Variants in TRABD2B observed in about 807,000 individuals in gnomAD.
TRABD2B encodes the protein metalloprotease TIKI2.
Under a neutral mutation model 40.1 loss-of-function variants are expected in TRABD2B, and 14 were observed. The observed-to-expected ratio is 0.35, with a 90% CI of 0.23 to 0.55. The LOEUF is 0.55. Among genes scored for constraint, TRABD2B ranks in the 20% least tolerant of loss-of-function variants. The pLI is 0.90. For synonymous variants in TRABD2B, 263 were observed against 277.0 expected, an observed-to-expected ratio of 0.95 and a Z score of 0.50; for missense variants, 541 against 648.6, an observed-to-expected ratio of 0.83 and a Z score of 1.80.
At chr1:47,792,258 A>C (rs1428999997) in intron 4 of TRABD2B, among the ~76,000 whole-genome samples, 2 of 152,242 alleles carry the variant, frequency 1.3e-5, no homozygotes, top group Non-Finnish European at 2.9e-5. Flanking sequence ...GACCCTGGTC[A>C]ACGTTCATTT....
chr1:47,911,663 C>T (rs1282752501), intron 2 of TRABD2B, among the ~76,000 whole-genome samples: 1 of 152,210 alleles, frequency 6.6e-6, no homozygotes, highest in Non-Finnish European at 1.5e-5. Context: ...CCCCTTGTGT[C>T]CCCTATGGAG....
At chr1:47,891,149 C>T (rs552433391) in intron 2 of TRABD2B, among the ~76,000 whole-genome samples, 1 of 152,286 alleles carries the variant, frequency 6.6e-6, no homozygotes, top group East Asian at 1.9e-4. Flanking sequence ...TAGAATAGTG[C>T]TTAGTGTACA....
At chr1:47,980,231 A>G (rs1338283008) in intron 2 of TRABD2B, among the ~76,000 whole-genome samples, 1 of 152,114 alleles carries the variant, frequency 6.6e-6, no homozygotes, top group Non-Finnish European at 1.5e-5. Flanking sequence ...CCCCCATAAC[A>G]TGGTGCCACT....
intron 2 of TRABD2B, among the ~76,000 whole-genome samples, chr1:47,946,653 T>G (rs1339048035): frequency 6.6e-6 from 1 of 152,108 alleles, no homozygotes; most frequent in Non-Finnish European, 1.5e-5. Flanking sequence ...TTGTTGAGAG[T>G]TTTTGCATCA....
intron 2 of TRABD2B, among the ~76,000 whole-genome samples, chr1:47,821,177 G>C (rs1011044307): frequency 6.6e-6 from 1 of 152,210 alleles, no homozygotes; most frequent in African/African-American, 2.4e-5. Flanking sequence ...ATTTTCACAT[G>C]ATGGTGCTAC....
chr1:47,926,271 C>T (rs957355014), intron 2 of TRABD2B, among the ~76,000 whole-genome samples: 17 of 152,172 alleles, frequency 1.1e-4, no homozygotes, highest in Admixed American at 1.0e-3. Flanking sequence ...GAAAAGGCAC[C>T]GAGGCCCAAG....
chr1:47,792,906 G>C (rs1207956152), intron 4 of TRABD2B, among the ~76,000 whole-genome samples: 1 of 152,078 alleles, frequency 6.6e-6, no homozygotes, highest in Non-Finnish European at 1.5e-5. Flanking sequence ...GAGTCTACTG[G>C]GGGCTGTTCC....
chr1:47,767,438 G>A (rs1644319998), intron 6 of TRABD2B, among the ~76,000 whole-genome samples: 1 of 152,192 alleles, frequency 6.6e-6, no homozygotes, highest in Non-Finnish European at 1.5e-5. Flanking sequence ...GGTGAAAAAA[G>A]AACGTACAGA....
At chr1:47,802,961 T>G (rs1023656940) in intron 2 of TRABD2B, among the ~76,000 whole-genome samples, 1 of 152,172 alleles carries the variant, frequency 6.6e-6, no homozygotes, top group African/African-American at 2.4e-5. Flanking sequence ...ATAACCTCAT[T>G]TCTTACATGG....
chr1:47,978,464 C>T (rs1645792086), intron 2 of TRABD2B, among the ~76,000 whole-genome samples: 1 of 152,202 alleles, frequency 6.6e-6, no homozygotes, highest in Admixed American at 6.5e-5. Flanking sequence ...AGGTGCGAGG[C>T]CAACTGCCAA....
Position 47,766,049 on chromosome 1 carries a change from G to A in TRABD2B, c.1407C>T (p.Ala469=), listed in dbSNP as rs1263345666. ...GGTCTGAAAGCTGGAAGGGGGGCTT[G>A]GCGGTCCCCGAGCTGTGGGTGGGCT... is the stretch of plus-strand genomic sequence containing the variant. ...PLQPTHSSGT[A]KPPFQLSDQL... Residue 469 remains alanine, a synonymous_variant, in exon 7 of 7, where the codon GCC becomes GCT. Coordinates refer to ENST00000606738, the MANE Select transcript of TRABD2B (RefSeq NM_001194986.2). The A allele has an allele frequency of 1.4e-6, 1 of 696,328 alleles. No individual in the cohort carries two copies. Among genetic ancestry groups the A allele is most frequent in the African/African-American group, 1.7e-5 (1 of 57,316 alleles). 43.1% of individuals were successfully genotyped at this position (696,328 alleles called of 1,614,324 possible).
At chr1:47,797,068 G>A (rs551159095) in intron 3 of TRABD2B, among the ~76,000 whole-genome samples, 3 of 152,324 alleles carry the variant, frequency 2.0e-5, no homozygotes, top group South Asian at 2.1e-4. Context: ...TATGAATGTA[G>A]GGCCTGAAGT....
chr1:47,980,982 T>C (rs1422743882), intron 2 of TRABD2B, among the ~76,000 whole-genome samples: 1 of 152,102 alleles, frequency 6.6e-6, no homozygotes, highest in Non-Finnish European at 1.5e-5. Flanking sequence ...CAGCTCCACC[T>C]CCTCTGGGTC....
chr1:47,815,956 T>A, intron 2 of TRABD2B, among the ~76,000 whole-genome samples: 1 of 152,186 alleles, frequency 6.6e-6, no homozygotes, highest in East Asian at 1.9e-4. Flanking sequence ...GTGTTTGTTC[T>A]TGGTCAGGTG....
chr1:47,969,921 C>T (rs1359016067), intron 2 of TRABD2B, among the ~76,000 whole-genome samples: 4 of 152,118 alleles, frequency 2.6e-5, no homozygotes, highest in Non-Finnish European at 5.9e-5. Context: ...TCCGACTTCA[C>T]CTCCCCCACC....
intron 2 of TRABD2B, among the ~76,000 whole-genome samples, chr1:47,903,892 T>C (rs1249705510): frequency 6.6e-6 from 1 of 152,152 alleles, no homozygotes; most frequent in Non-Finnish European, 1.5e-5. Flanking sequence ...GGCTACAGGA[T>C]CTGCCTGCCT....
chr1:47,824,186 A>T (rs966507041), intron 2 of TRABD2B, among the ~76,000 whole-genome samples: 19 of 152,128 alleles, frequency 1.2e-4, no homozygotes, highest in African/African-American at 4.6e-4. Context: ...CCCAGCACAG[A>T]GCCAGGCTCG....
At chr1:47,888,073 G>A (rs1644394703) in intron 2 of TRABD2B, among the ~76,000 whole-genome samples, 2 of 152,194 alleles carry the variant, frequency 1.3e-5, no homozygotes, top group South Asian at 4.1e-4. Flanking sequence ...TTGAACGGGG[G>A]CTTGCATGGT....
At chr1:47,854,711 C>T (rs1643874063) in intron 2 of TRABD2B, among the ~76,000 whole-genome samples, 2 of 152,150 alleles carry the variant, frequency 1.3e-5, no homozygotes, top group Non-Finnish European at 2.9e-5. Context: ...GAAAGTAGTT[C>T]ACCAAAGGTC....
Sources: allele counts gnomAD v4.1 joint callset (sites outside exome capture counted in the v4.1 genomes callset), GRCh38; gene constraint gnomAD v4.1.1; transcripts MANE v1.5; gene names NCBI Gene and HGNC (gene_info 2026-07-23, HGNC 2026-07-21).